PLEKHG1: variants seen among roughly 807,000 people sequenced by gnomAD.
PLEKHG1 encodes pleckstrin homology domain-containing family G member 1.
In PLEKHG1, 44 loss-of-function variants were observed where a neutral mutation model predicts 100.8. That is an observed-to-expected ratio of 0.44 (90% CI 0.34 to 0.56). PLEKHG1 has a LOEUF of 0.56. Among genes scored for constraint, PLEKHG1 ranks in the 20% least tolerant of loss-of-function variants. The pLI, the probability that PLEKHG1 is intolerant of heterozygous loss-of-function variation, is 0.01. For missense variants in PLEKHG1, 1,545 were observed against 1,720.9 expected, an observed-to-expected ratio of 0.90 and a Z score of 1.81; for synonymous variants, 640 against 662.5, an observed-to-expected ratio of 0.97 and a Z score of 0.52.
At chr6:150,660,897 G>T (rs937983912) in intron 3 of PLEKHG1, among the ~76,000 whole-genome samples, 1 of 152,202 alleles carries the variant, frequency 6.6e-6, no homozygotes, top group Non-Finnish European at 1.5e-5. Context: ...AAAGGTGTTT[G>T]TGGAAATACT....
intron 2 of PLEKHG1, among the ~76,000 whole-genome samples, chr6:150,753,897 C>T (rs1272816331): frequency 1.3e-5 from 2 of 152,142 alleles, no homozygotes; most frequent in Non-Finnish European, 2.9e-5. Context: ...GCGGGGGCAC[C>T]GTTAACCCTT....
chr6:150,609,065 C>T (rs1278213777), intron 1 of PLEKHG1, among the ~76,000 whole-genome samples: 1 of 151,970 alleles, frequency 6.6e-6, no homozygotes, highest in Admixed American at 6.6e-5. Flanking sequence ...AGAAGAAGGG[C>T]GTTAAGTTTC....
At chr6:150,613,417 G>A (rs1776933715) in intron 1 of PLEKHG1, among the ~76,000 whole-genome samples, 1 of 152,168 alleles carries the variant, frequency 6.6e-6, no homozygotes, top group Admixed American at 6.5e-5. Flanking sequence ...TATTTCCAGT[G>A]CCTTAAAAGA....
chr6:150,801,346 CTT>C (rs1453036118), intron 6 of PLEKHG1, among the ~76,000 whole-genome samples: 9 of 151,894 alleles, frequency 5.9e-5, no homozygotes, highest in African/African-American at 2.2e-4. Flanking sequence ...GTTATCTCCT[CTT>C]ATATTATTTT....
chr6:150,638,904 A>T (rs1778134715), intron 2 of PLEKHG1, among the ~76,000 whole-genome samples: 1 of 152,202 alleles, frequency 6.6e-6, no homozygotes, highest in Non-Finnish European at 1.5e-5. Context: ...TTACTACTTT[A>T]CCTACAGCTT....
intron 3 of PLEKHG1, among the ~76,000 whole-genome samples, chr6:150,665,606 G>A (rs1280187745): frequency 1.3e-5 from 2 of 150,562 alleles, no homozygotes; most frequent in African/African-American, 2.5e-5. Context: ...CTCTAGCCTG[G>A]GCAACAGAGC....
chr6:150,615,122 A>G (rs1303939761), intron 1 of PLEKHG1, among the ~76,000 whole-genome samples: 1 of 152,226 alleles, frequency 6.6e-6, no homozygotes, highest in South Asian at 2.1e-4. Flanking sequence ...TCATTTCTCT[A>G]AATCAGTTTA....
At chr6:150,625,168 A>T (rs1035311002) in intron 1 of PLEKHG1, among the ~76,000 whole-genome samples, 1 of 152,226 alleles carries the variant, frequency 6.6e-6, no homozygotes, top group Non-Finnish European at 1.5e-5. Context: ...GATTTTTTAA[A>T]AACTATAAAA....
chr6:150,602,998 G>A (rs60969274), intron 1 of PLEKHG1, among the ~76,000 whole-genome samples: 3,010 of 139,818 alleles, frequency 0.022, 90 homozygotes, highest in African/African-American at 0.074. Flanking sequence ...GGAGAATGGC[G>A]TGAACCCCGG....
chr6:150,623,637 C>A (rs191450624), intron 1 of PLEKHG1, among the ~76,000 whole-genome samples: 2 of 152,178 alleles, frequency 1.3e-5, no homozygotes, highest in Non-Finnish European at 2.9e-5. Context: ...TGGCCTCAGG[C>A]CCCCCACGTG....
In PLEKHG1 at chr6:150,793,972, C is replaced by T. The variant is rs144441556; in HGVS notation, c.583-1884C>T. Among the ~76,000 whole-genome samples, 319 of 152,302 alleles carry T rather than the reference C, an allele frequency of 2.1e-3. 11 individuals carry two copies. In the East Asian group the frequency reaches 0.044, roughly 21 times the overall value. On this transcript the variant is annotated intron_variant, in intron 4 of 15. Transcript: ENST00000358517. ...TGACGCATGCCTGTAATCCCTGCTA[C>T]TTGAGAGGCTAAGGCAGGAGAATCA...
intron 3 of PLEKHG1, among the ~76,000 whole-genome samples, chr6:150,773,289 A>T (rs374881204): frequency 7.4e-4 from 113 of 152,158 alleles, no homozygotes; most frequent in African/African-American, 2.6e-3. Flanking sequence ...ATCCCCGCAC[A>T]TTGGGAGGCC....
intron 3 of PLEKHG1, among the ~76,000 whole-genome samples, chr6:150,685,116 A>G (rs1780073232): frequency 6.6e-6 from 1 of 151,982 alleles, no homozygotes; most frequent in South Asian, 2.1e-4. Context: ...GTCTCCAATG[A>G]GTGACACTGG....
At chr6:150,703,144 C>T (rs1494309) in intron 3 of PLEKHG1, among the ~76,000 whole-genome samples, 54,895 of 151,360 alleles carry the variant, frequency 0.36, 10,571 homozygotes, top group Middle Eastern at 0.45. Flanking sequence ...AGGTTTTAGC[C>T]TCATAATAAA....
intron 10 of PLEKHG1, 105 bp from the exon 12 acceptor site, chr6:150,818,077 GT>G: frequency 1.1e-6 from 1 of 905,820 alleles, no homozygotes; most frequent in Admixed American, 2.1e-5. Context: ...GTTTTTAAAC[GT>G]TTTTAAAAAT....
chr6:150,803,350 A>G (rs991987022), intron 6 of PLEKHG1, among the ~76,000 whole-genome samples: 2 of 152,198 alleles, frequency 1.3e-5, no homozygotes, highest in African/African-American at 4.8e-5. Flanking sequence ...TTTAGGCACT[A>G]ATATAGGATT....
At chr6:150,826,185 C>T (rs1029488902) in intron 14 of PLEKHG1, among the ~76,000 whole-genome samples, 1 of 150,752 alleles carries the variant, frequency 6.6e-6, no homozygotes. Context: ...AGGCTGGGCG[C>T]GGTGGCTCAC....
At chr6:150,722,019 A>G (rs1379638927) in intron 1 of PLEKHG1, among the ~76,000 whole-genome samples, 2 of 152,208 alleles carry the variant, frequency 1.3e-5, no homozygotes, top group Non-Finnish European at 2.9e-5. Context: ...AAGAAGAGAT[A>G]TTTACAGAGA....
intron 4 of PLEKHG1, among the ~76,000 whole-genome samples, chr6:150,790,898 C>G (rs538441331): frequency 3.9e-5 from 6 of 152,126 alleles, no homozygotes; most frequent in Admixed American, 6.5e-5. Context: ...TGGCAGGCGC[C>G]TGTATTCCCA....
Sources: allele counts gnomAD v4.1 joint callset (sites outside exome capture counted in the v4.1 genomes callset), GRCh38; gene constraint gnomAD v4.1.1; transcripts MANE v1.5; gene names NCBI Gene and HGNC (gene_info 2026-07-23, HGNC 2026-07-21).